KDM6B: variants seen among roughly 807,000 people sequenced by gnomAD.
The protein encoded by KDM6B is lysine-specific demethylase 6B.
KDM6B carries 22 observed loss-of-function variants against 150.4 expected under a neutral mutation model. The observed-to-expected ratio is 0.15, with a 90% CI of 0.10 to 0.21. The LOEUF (loss-of-function observed/expected upper bound fraction) is 0.21, where lower values mean the gene tolerates loss of function less well. Ranked by LOEUF, KDM6B falls within the 10% of genes least tolerant of loss-of-function variation. KDM6B has a pLI of 1.00. For synonymous variants in KDM6B, 1,148 were observed against 921.1 expected, an observed-to-expected ratio of 1.25 and a Z score of -4.46; for missense variants, 1,984 against 2,234.3, an observed-to-expected ratio of 0.89 and a Z score of 2.26.
chr17:7,850,921 C>G, intron 14 of KDM6B, 100 bp from the exon 15 acceptor site: 2 of 1,083,358 alleles, frequency 1.8e-6, no homozygotes, highest in Non-Finnish European at 2.7e-6. Context: ...CTATGACCAC[C>G]CTGTCAGAGC....
intron 1 of KDM6B, among the ~76,000 whole-genome samples, chr17:7,836,989 C>G (rs887924342): frequency 6.6e-6 from 1 of 152,188 alleles, no homozygotes; most frequent in African/African-American, 2.4e-5. Flanking sequence ...CTCTCCCTTC[C>G]CGTGGTCTTA....
At chr17:7,841,040 T>C (rs2078406643) in intron 2 of KDM6B, among the ~76,000 whole-genome samples, 1 of 152,196 alleles carries the variant, frequency 6.6e-6, no homozygotes, top group Non-Finnish European at 1.5e-5. Flanking sequence ...CCTAGCTCTT[T>C]CATTCTTCAC....
chr17:7,845,956 ATAT>A lies in KDM6B; in HGVS notation c.226_228del (p.Tyr76del). On this transcript the variant is annotated inframe_deletion, in exon 6 of 24. Coordinates refer to ENST00000448097, the MANE Select transcript of KDM6B (RefSeq NM_001348716.2). ...GTAGTTCTGGGCACCCCAGCAAACCATATTATGCTCCAGGGTGAGTGGATATTT... is the reference window on the plus strand; with the variant it reads ...GTAGTTCTGGGCACCCCAGCAAACCATATGCTCCAGGGTGAGTGGATATTT... 6.2e-7 allele frequency: 1 copy of A among 1,613,850 alleles called. No individual in the cohort carries two copies. The highest frequency in any genetic ancestry group is 8.5e-7 in the Non-Finnish European group (1 of 1,179,784).
intron 23 of KDM6B, 22 bp downstream of exon 23, chr17:7,853,402 G>C: frequency 2.0e-6 from 3 of 1,535,192 alleles, no homozygotes; most frequent in South Asian, 2.4e-5. Context: ...GCGGGCGCGC[G>C]GGCAGCGGAG....
chr17:7,839,016 G>A (rs1256114220), intron 1 of KDM6B, among the ~76,000 whole-genome samples: 1 of 152,198 alleles, frequency 6.6e-6, no homozygotes, highest in Admixed American at 6.5e-5. Flanking sequence ...GGGCCGGAAG[G>A]CTAGGGAATA....
chr17:7,850,913 A>G (rs1260216206), intron 14 of KDM6B, 108 bp from the exon 15 acceptor site: 3 of 1,028,554 alleles, frequency 2.9e-6, no homozygotes, highest in East Asian at 2.6e-5. Context: ...TGCTAAACCT[A>G]TGACCACCCT....
At chr17:7,842,024 C>T (rs1281571913) in intron 2 of KDM6B, among the ~76,000 whole-genome samples, 1 of 152,198 alleles carries the variant, frequency 6.6e-6, no homozygotes, top group African/African-American at 2.4e-5. Context: ...GCAGCATGCC[C>T]GCTGATTGCC....
At position 7,845,572 on chromosome 17, in the gene KDM6B, C is replaced by A; in HGVS notation, c.18C>A (p.Asp6Glu). 1 of 1,614,154 alleles carries A rather than the reference C, an allele frequency of 6.2e-7. No individual in the cohort carries two copies. Among genetic ancestry groups the A allele is most frequent in the Non-Finnish European group, 8.5e-7 (1 of 1,180,020 alleles). MHRAV[D>E]PPGARAAREA... The stretch of plus-strand genomic sequence containing the variant: ...CAGGCTGGATGCATCGGGCAGTGGA[C>A]CCTCCAGGGGCCCGCGCTGCACGGG... The change falls in exon 5 of 24, where the codon GAC becomes GAA. Residue 6 changes from aspartate to glutamate, a missense_variant. Physicochemically the swap from Asp to Glu is conservative, Grantham distance 45. Around this residue, in one of 13 missense-constraint regions of KDM6B, gnomAD observed 337 missense variants for 323.9 expected, o/e 1.04. Transcript: ENST00000448097.
At position 7,847,704 on chromosome 17, in the gene KDM6B, C is replaced by T. The variant is rs766388585; in HGVS notation, c.1416C>T (p.Pro472=). The change falls in exon 12 of 24, where the codon CCC becomes CCT. Residue 472 remains proline, a synonymous_variant. Transcript: ENST00000448097. ...PPGPSSPPPP[P]CPRLLRPPPP... is the part of the protein sequence containing the mutation. ...GACCTTCCTCACCCCCTCCACCCCC[C>T]TGTCCCCGCCTCTTACGCCCCCCAC... is the stretch of plus-strand genomic sequence containing the variant. The T allele has an allele frequency of 1.4e-5, 21 of 1,494,088 alleles. No individual in the cohort carries two copies. The highest frequency in any genetic ancestry group is 1.0e-4 in the Admixed American group (5 of 49,050). The allele number at this position is 1,494,088 out of a possible 1,614,324, so 92.6% of individuals were successfully genotyped here.
In KDM6B at chr17:7,844,710, C is replaced by T. The variant is rs952721708; in HGVS notation, c.-268-191C>T. On this transcript the variant is annotated intron_variant, in intron 2 of 23. Coordinates refer to ENST00000448097, the MANE Select transcript of KDM6B (RefSeq NM_001348716.2). The surrounding 1 kb of genome is among the most constrained non-coding windows in gnomAD (Gnocchi z 5.9). The stretch of plus-strand genomic sequence containing the variant: ...GAGCATGCGACTAACCGGCCTCATC[C>T]GCATGCGTCTTGTCCTGGCTGCCTT... 1.3e-4 allele frequency among the ~76,000 whole-genome samples: 20 copies of T among 152,186 alleles called. No homozygotes were observed. Among genetic ancestry groups the T allele is most frequent in the African/African-American group, 4.8e-4 (20 of 41,434 alleles).
chr17:7,849,786 G>T (rs1364622375), intron 12 of KDM6B, 35 bp from the exon 13 acceptor site: 3 of 1,612,834 alleles, frequency 1.9e-6, no homozygotes, highest in African/African-American at 2.7e-5. Flanking sequence ...CCATCACCCT[G>T]ATGTTTCTGT....
intron 12 of KDM6B, 27 bp downstream of exon 12, chr17:7,849,755 C>T (rs764424722): frequency 1.9e-6 from 3 of 1,612,674 alleles, no homozygotes; most frequent in East Asian, 2.2e-5. Context: ...CTTGCTTGTC[C>T]CGGAGACAGG....
rs758231458 is a variant in KDM6B at position 7,849,253 on chromosome 17, G to C, written c.2965G>C (p.Ala989Pro). The change falls in exon 12 of 24, where the codon GCC (alanine) becomes CCC (proline). Residue 989 changes from alanine to proline, a missense_variant. Physicochemically the swap from Ala to Pro is conservative, Grantham distance 27. Around this residue, in one of 13 missense-constraint regions of KDM6B, gnomAD observed 1,379 missense variants for 1,275.6 expected, o/e 1.08. Transcript: ENST00000448097. ...HQKEHRRHRRACKDSVGRRPR... is the reference protein window; with the variant it reads ...HQKEHRRHRRPCKDSVGRRPR... The stretch of plus-strand genomic sequence containing the variant: ...GAAGGAGCATCGGCGGCACAGGCGG[G>C]CCTGTAAGGACAGTGTGGGTCGTCG... 1.9e-6 allele frequency: 3 copies of C among 1,561,022 alleles called. No homozygotes were observed. In the African/African-American group the frequency reaches 4.1e-5, roughly 21 times the overall value.
intron 14 of KDM6B, 34 bp from the exon 15 acceptor site, chr17:7,850,987 C>T: frequency 6.4e-7 from 1 of 1,553,564 alleles, no homozygotes; most frequent in Non-Finnish European, 8.7e-7. Context: ...TCCTCTGCCT[C>T]TGCCCCGACA....
At chr17:7,853,455 G>A (rs1168209271) in intron 23 of KDM6B, 43 bp from the exon 24 acceptor site, 2 of 1,514,276 alleles carry the variant, frequency 1.3e-6, no homozygotes, top group Admixed American at 2.1e-5. Flanking sequence ...TCGGGAGCCC[G>A]GCCGCGCCTT....
In KDM6B at chr17:7,847,590, C is replaced by A. The variant is rs58752590; in HGVS notation, c.1302C>A (p.His434Gln). 4 of 1,612,822 alleles carry A rather than the reference C, an allele frequency of 2.5e-6. No individual in the cohort carries two copies. Among genetic ancestry groups the A allele is most frequent in the Non-Finnish European group, 3.4e-6 (4 of 1,179,750 alleles). ...HYQTPALEVS[H>Q]HGRLGPSAHS... ...AAACTCCCGCGCTGGAGGTCTCTCA[C>A]CATGGCCGCCTGGGGCCCTCGGCAC... Residue 434 changes from histidine to glutamine, a missense_variant, in exon 12 of 24, where the codon CAC (histidine) becomes CAA (glutamine). Physicochemically the swap from His to Gln is conservative, Grantham distance 24. Coordinates refer to ENST00000448097, the MANE Select transcript of KDM6B (RefSeq NM_001348716.2).
In KDM6B at chr17:7,849,882, C is replaced by T; in HGVS notation, c.3502C>T (p.Pro1168Ser). The stretch of plus-strand genomic sequence containing the variant: ...CCTTTCCCCTGCCCAGTCTGTGAAA[C>T]CGAAGATCAACACTGAGGAGAAGCT... Reference protein sequence around the residue: ...SYLSPAQSVKPKINTEEKLPR... With the variant: ...SYLSPAQSVKSKINTEEKLPR... The change falls in exon 13 of 24, where the codon CCG becomes TCG. Residue 1168 changes from proline (P) to serine (S), a missense_variant. Physicochemically the swap from Pro to Ser is moderately conservative, Grantham distance 74. Coordinates refer to ENST00000448097, the MANE Select transcript of KDM6B (RefSeq NM_001348716.2). The T allele has an allele frequency of 6.2e-7, 1 of 1,612,608 alleles. No homozygotes were observed. The highest frequency in any genetic ancestry group is 2.2e-5 in the East Asian group (1 of 44,824).
Position 7,849,508 on chromosome 17 carries a change from G to C in KDM6B, c.3220G>C (p.Ala1074Pro). The change falls in exon 12 of 24, where the codon GCT becomes CCT. Residue 1074 changes from alanine to proline, a missense_variant. By Grantham distance (27) the Ala-to-Pro change is conservative (BLOSUM62 -1). Transcript: ENST00000448097. ...GTCAGCCTCTGTCCCTGGAAAGAAG[G>C]CTCGGGAGGAAGCCCCAGGGCCACC... is the stretch of plus-strand genomic sequence containing the variant. ...PPSASVPGKK[A>P]REEAPGPPGV... The C allele has an allele frequency of 6.2e-7, 1 of 1,612,912 alleles. No homozygotes were observed. The highest frequency in any genetic ancestry group is 8.5e-7 in the Non-Finnish European group (1 of 1,179,968).
At chr17:7,839,485 T>C (rs2078383194) in intron 1 of KDM6B, among the ~76,000 whole-genome samples, 1 of 151,834 alleles carries the variant, frequency 6.6e-6, no homozygotes, top group Non-Finnish European at 1.5e-5. Context: ...GAGGGTGGGG[T>C]TGACTGTCTG....
Sources: allele counts gnomAD v4.1 joint callset (sites outside exome capture counted in the v4.1 genomes callset), GRCh38; gene constraint gnomAD v4.1.1; regional missense constraint gnomAD v4.1.1; non-coding constraint Gnocchi (gnomAD v3.1); transcripts MANE v1.5; gene names NCBI Gene and HGNC (gene_info 2026-07-23, HGNC 2026-07-21).